Variants in CHN2 observed in about 807,000 individuals in gnomAD.
The protein encoded by CHN2 is chimerin 2, also known as beta-chimaerin.
Under a neutral mutation model 56.3 loss-of-function variants are expected in CHN2, and 35 were observed. The ratio of observed to expected loss-of-function variants is 0.62; its 90% confidence interval spans 0.47 to 0.82. CHN2 has a LOEUF of 0.82. Ranked by LOEUF, CHN2 falls within the 40% of genes least tolerant of loss-of-function variation. The pLI, the probability that CHN2 is intolerant of heterozygous loss-of-function variation, is 0.00. For synonymous variants in CHN2, 210 were observed against 212.8 expected, an observed-to-expected ratio of 0.99 and a Z score of 0.12; for missense variants, 491 against 580.5, an observed-to-expected ratio of 0.85 and a Z score of 1.58.
intron 7 of CHN2, among the ~76,000 whole-genome samples, chr7:29,495,367 C>T (rs1480071167): frequency 2.0e-5 from 3 of 152,150 alleles, no homozygotes; most frequent in African/African-American, 4.8e-5. Context: ...AAGGCCACAC[C>T]AAGTCCTACT....
chr7:29,356,024 C>G (rs767767741), intron 2 of CHN2, among the ~76,000 whole-genome samples: 4 of 151,948 alleles, frequency 2.6e-5, no homozygotes, highest in Non-Finnish European at 4.4e-5. Context: ...CTCAGGCAAT[C>G]CACTAACCTC....
At chr7:29,481,726 T>A (rs1278276619) in intron 7 of CHN2, among the ~76,000 whole-genome samples, 1 of 148,726 alleles carries the variant, frequency 6.7e-6, no homozygotes, top group Non-Finnish European at 1.5e-5. Context: ...CTTAAGAAAG[T>A]GTTTTTTTGA....
At chr7:29,463,670 C>A (rs1055353886) in intron 6 of CHN2, among the ~76,000 whole-genome samples, 29 of 152,140 alleles carry the variant, frequency 1.9e-4, no homozygotes, top group Non-Finnish European at 4.0e-4. Context: ...GCCTGGAAAT[C>A]TTGGGACTTT....
intron 1 of CHN2, among the ~76,000 whole-genome samples, chr7:29,314,579 C>T (rs1794824903): frequency 6.6e-6 from 1 of 151,964 alleles, no homozygotes; most frequent in Non-Finnish European, 1.5e-5. Flanking sequence ...ACTATTTTAA[C>T]CTGGAAGAGG....
intron 4 of CHN2, chr7:29,398,171 G>T: frequency 2.5e-6 from 1 of 394,852 alleles, no homozygotes; most frequent in Admixed American, 4.3e-5. Flanking sequence ...CCTTCCTTTT[G>T]TTTGCCTGCT....
chr7:29,341,502 T>TA (rs1491294180), intron 1 of CHN2, among the ~76,000 whole-genome samples: 2 of 151,968 alleles, frequency 1.3e-5, no homozygotes, highest in Admixed American at 6.6e-5. Context: ...ATAGTATCTC[T>TA]ATTGACAATG....
At chr7:29,509,280 C>T in intron 11 of CHN2, 21 bp from the exon 12 acceptor site, 1 of 1,568,384 alleles carries the variant, frequency 6.4e-7, no homozygotes, top group Non-Finnish European at 8.8e-7. Flanking sequence ...AACTAATACC[C>T]ATCATGCGTG....
chr7:29,354,497 G>GAGA, intron 1 of CHN2, 128 bp from the exon 2 acceptor site: 1 of 776,510 alleles, frequency 1.3e-6, no homozygotes, highest in South Asian at 1.6e-5. Context: ...CTCCCTAAAT[G>GAGA]AGAAGAGAGT....
intron 1 of CHN2, among the ~76,000 whole-genome samples, chr7:29,295,384 T>A (rs958225222): frequency 2.0e-5 from 3 of 150,652 alleles, no homozygotes; most frequent in African/African-American, 7.4e-5. Flanking sequence ...TATATCATAC[T>A]TTTTTGGTAT....
At chr7:29,351,255 C>T (rs1230883790) in intron 1 of CHN2, among the ~76,000 whole-genome samples, 1 of 151,954 alleles carries the variant, frequency 6.6e-6, no homozygotes, top group African/African-American at 2.4e-5. Context: ...ATTATTTAGC[C>T]GTTAGTTGTC....
intron 1 of CHN2, among the ~76,000 whole-genome samples, chr7:29,256,405 T>G (rs1476781020): frequency 6.6e-6 from 1 of 152,258 alleles, no homozygotes. Context: ...AAAAGGTTTG[T>G]ATGTGAACAT....
chr7:29,300,871 G>A lies in CHN2; in HGVS notation c.50-53754G>A, dbSNP rs150826577. On this transcript the variant is annotated intron_variant, in intron 1 of 12. Coordinates refer to ENST00000222792, the MANE Select transcript of CHN2 (RefSeq NM_004067.4). The stretch of plus-strand genomic sequence containing the variant: ...CACAGGAAAGGAATGAGCTTATCTC[G>A]TAAAACATGATATTCCTTAGAGCTA... Among the ~76,000 whole-genome samples, 928 of 152,174 alleles carry A rather than the reference G, an allele frequency of 6.1e-3. 13 individuals are homozygous for A. The highest frequency in any genetic ancestry group is 0.021 in the African/African-American group (875 of 41,512).
intron 1 of CHN2, among the ~76,000 whole-genome samples, chr7:29,216,913 C>T (rs1423736406): frequency 6.6e-6 from 1 of 152,172 alleles, no homozygotes; most frequent in Non-Finnish European, 1.5e-5. Flanking sequence ...GTTTTAACTA[C>T]ATGGTAATGA....
intron 3 of CHN2, chr7:29,376,597 C>T (rs1034036577): frequency 6.6e-6 from 1 of 152,246 alleles, no homozygotes; most frequent in Non-Finnish European, 1.5e-5. Context: ...GTTCTAAGGA[C>T]TGTTCTTGCT....
In CHN2 at chr7:29,500,093, T is replaced by G. The variant is rs369800167; in HGVS notation, c.913+53T>G. 4.9e-5 allele frequency: 66 copies of G among 1,347,272 alleles called. 1 individual carries two copies. The East Asian group carries it at 6.5e-4, about 13-fold the overall frequency. The allele number at this position is 1,347,272 out of a possible 1,614,324, so 83.5% of individuals were successfully genotyped here. A position where few individuals can be genotyped will look rare whatever the true frequency, so the allele number is the denominator to read the frequency against. ...GTATAGTGATTTTATTTTTATTGTT[T>G]GTTTTTACTGTTGTCAAGGAAACAG... On this transcript the variant is annotated intron_variant, in intron 9 of 12. Transcript: ENST00000222792.
chr7:29,175,255 GTC>G (rs1471748596), intron 2 of CHN2, among the ~76,000 whole-genome samples: 1 of 151,436 alleles, frequency 6.6e-6, no homozygotes, highest in Non-Finnish European at 1.5e-5. Context: ...GCTCACTGCA[GTC>G]TCTGACTCCT....
chr7:29,393,801 A>G, intron 4 of CHN2, 91 bp downstream of exon 4: 2 of 441,638 alleles, frequency 4.5e-6, no homozygotes, highest in Non-Finnish European at 7.4e-6. Context: ...ATATATGGTC[A>G]TCATCATATG....
intron 2 of CHN2, among the ~76,000 whole-genome samples, chr7:29,364,111 T>C (rs1798952329): frequency 6.6e-6 from 1 of 152,256 alleles, no homozygotes; most frequent in Non-Finnish European, 1.5e-5. Context: ...CACTGTTTCC[T>C]CATCCCTATC....
intron 1 of CHN2, among the ~76,000 whole-genome samples, chr7:29,288,555 T>C (rs909317682): frequency 6.6e-6 from 1 of 152,224 alleles, no homozygotes; most frequent in Non-Finnish European, 1.5e-5. Context: ...CAAAAATCCA[T>C]GTGGTCTTCC....
Sources: allele counts gnomAD v4.1 joint callset (sites outside exome capture counted in the v4.1 genomes callset), GRCh38; gene constraint gnomAD v4.1.1; transcripts MANE v1.5; gene names NCBI Gene and HGNC (gene_info 2026-07-23, HGNC 2026-07-21).